The following DOCK3 variants were observed in gnomAD, a reference collection of about 807,000 sequenced individuals.
DOCK3 encodes the protein dedicator of cytokinesis 3, also known as dedicator of cytokinesis protein 3.
Under a neutral mutation model 265.6 loss-of-function variants are expected in DOCK3, and 60 were observed. The observed-to-expected ratio is 0.23, with a 90% CI of 0.18 to 0.28. The LOEUF (loss-of-function observed/expected upper bound fraction) is 0.28. Among genes scored for constraint, DOCK3 ranks in the 10% least tolerant of loss-of-function variants. The probability of loss-of-function intolerance (pLI) is 1.00; values close to 1 mark genes in which losing one functional copy is unlikely to be tolerated. For synonymous variants in DOCK3, 881 were observed against 938.0 expected (o/e 0.94, Z 1.11); for missense variants, 1,981 against 2,594.3 (o/e 0.76, Z 5.14).
At position 50,829,028 on chromosome 3, in the gene DOCK3, A is replaced by G. The variant is rs369704350; in HGVS notation, c.122-12647A>G. ...CGCCTGGACCCTTTTACCCTTTTCA[A>G]TTATCTCTTTACCATGCTTTTACAT... On this transcript the variant is annotated intron_variant, in intron 2 of 52. Coordinates refer to ENST00000266037, the MANE Select transcript of DOCK3 (RefSeq NM_004947.5). Among the ~76,000 whole-genome samples the G allele has an allele frequency of 7.2e-5, 11 of 152,112 alleles. No homozygotes were observed. The East Asian group carries it at 1.2e-3, about 16-fold the overall frequency.
intron 1 of DOCK3, among the ~76,000 whole-genome samples, chr3:50,717,709 A>T (rs375159298): frequency 1.3e-5 from 2 of 151,882 alleles, no homozygotes; most frequent in East Asian, 3.9e-4. Flanking sequence ...TGCAACCTCC[A>T]CCTCCCTGGT....
intron 2 of DOCK3, 111 bp downstream of exon 2, chr3:50,778,869 C>A: frequency 1.5e-6 from 1 of 688,612 alleles, no homozygotes. Flanking sequence ...CATAATTAGT[C>A]ACATGATGAA....
At chr3:51,056,317 C>T (rs1451929821) in intron 5 of DOCK3, among the ~76,000 whole-genome samples, 5 of 152,172 alleles carry the variant, frequency 3.3e-5, no homozygotes, top group East Asian at 1.9e-4. Flanking sequence ...GGCACAATCT[C>T]GGCTCACTGC....
chr3:51,020,906 G>C (rs2079558782), intron 5 of DOCK3, among the ~76,000 whole-genome samples: 1 of 151,838 alleles, frequency 6.6e-6, no homozygotes, highest in South Asian at 2.1e-4. Context: ...GTAGCATAAT[G>C]CCTGCAGCTT....
intron 5 of DOCK3, among the ~76,000 whole-genome samples, chr3:50,975,352 G>C (rs572208106): frequency 4.7e-5 from 7 of 150,492 alleles, no homozygotes; most frequent in East Asian, 1.9e-4. Flanking sequence ...TAGCATGAAG[G>C]GTTGTTGAAT....
intron 5 of DOCK3, among the ~76,000 whole-genome samples, chr3:50,959,762 A>G (rs1332791988): frequency 1.3e-5 from 2 of 151,554 alleles, no homozygotes; most frequent in Non-Finnish European, 2.9e-5. Context: ...TTGTATTTTT[A>G]GTAGAGATGG....
chr3:50,780,697 AT>A (rs748055437), intron 2 of DOCK3, among the ~76,000 whole-genome samples: 12 of 152,172 alleles, frequency 7.9e-5, no homozygotes, highest in Non-Finnish European at 1.3e-4. Flanking sequence ...AGAAAGTTCA[AT>A]ATTTTCCTTC....
chr3:50,769,225 A>C (rs940760930), intron 1 of DOCK3, among the ~76,000 whole-genome samples: 2 of 152,012 alleles, frequency 1.3e-5, no homozygotes, highest in African/African-American at 4.8e-5. Context: ...AGTTTAATGT[A>C]ATCCTTTTTT....
At chr3:51,270,395 GA>G (rs1429921539) in intron 23 of DOCK3, among the ~76,000 whole-genome samples, 1 of 152,182 alleles carries the variant, frequency 6.6e-6, no homozygotes, top group Non-Finnish European at 1.5e-5. Flanking sequence ...CTGCTTGAAG[GA>G]ACTCAGCTCT....
chr3:51,325,714 A>G (rs557341392), intron 32 of DOCK3, among the ~76,000 whole-genome samples: 1 of 152,360 alleles, frequency 6.6e-6, no homozygotes, highest in East Asian at 1.9e-4. Context: ...CATATACACC[A>G]TGGAATACTA....
chr3:50,681,322 G>A (rs2034392477), intron 1 of DOCK3, among the ~76,000 whole-genome samples: 1 of 152,034 alleles, frequency 6.6e-6, no homozygotes, highest in South Asian at 2.1e-4. Flanking sequence ...TTTTACATTG[G>A]TGCTAAATTT....
intron 3 of DOCK3, among the ~76,000 whole-genome samples, chr3:50,887,157 G>C (rs60746111): frequency 6.6e-6 from 1 of 151,704 alleles, no homozygotes; most frequent in Non-Finnish European, 1.5e-5. Flanking sequence ...TCAAATAGAC[G>C]CAATAAAAAA....
At chr3:50,730,159 T>G (rs1559561619) in intron 1 of DOCK3, among the ~76,000 whole-genome samples, 1 of 152,168 alleles carries the variant, frequency 6.6e-6, no homozygotes, top group African/African-American at 2.4e-5. Context: ...ATTTATTTTT[T>G]GAGACAGAGT....
At chr3:51,331,553 T>C (rs367858618) in intron 33 of DOCK3, among the ~76,000 whole-genome samples, 1 of 148,956 alleles carries the variant, frequency 6.7e-6, no homozygotes, top group Non-Finnish European at 1.5e-5. Flanking sequence ...TTTGTAGGTA[T>C]GCTAAAAAAA....
chr3:50,752,325 A>C (rs1007641218), intron 1 of DOCK3, among the ~76,000 whole-genome samples: 2 of 152,128 alleles, frequency 1.3e-5, no homozygotes, highest in South Asian at 4.1e-4. Context: ...CCTGGCCAAC[A>C]TGGTGAAACC....
At chr3:51,093,137 G>C (rs888548225) in intron 9 of DOCK3, among the ~76,000 whole-genome samples, 1 of 152,108 alleles carries the variant, frequency 6.6e-6, no homozygotes. Context: ...GGTTCTTTTT[G>C]CTTAGGATTG....
chr3:50,730,443 G>A (rs1358474093), intron 1 of DOCK3, among the ~76,000 whole-genome samples: 1 of 152,148 alleles, frequency 6.6e-6, no homozygotes, highest in Admixed American at 6.5e-5. Context: ...GTGCCCGGCT[G>A]CACAAACACT....
chr3:51,375,716 C>A, intron 50 of DOCK3, 32 bp from the exon 51 acceptor site: 1 of 1,613,218 alleles, frequency 6.2e-7, no homozygotes, highest in Non-Finnish European at 8.5e-7. Context: ...TGGTTGTTTT[C>A]ACTCTCTGTA....
At chr3:50,895,309 T>TAAAC (rs2048843923) in intron 4 of DOCK3, among the ~76,000 whole-genome samples, 1 of 151,514 alleles carries the variant, frequency 6.6e-6, no homozygotes, top group African/African-American at 2.4e-5. Flanking sequence ...GTTATACAGG[T>TAAAC]AAACGTGTGC....
Sources: gnomAD v4.1 joint callset for allele counts (sites outside exome capture counted in the v4.1 genomes callset) on GRCh38, gnomAD v4.1.1 for gene constraint, MANE v1.5 for transcripts, NCBI Gene and HGNC (gene_info 2026-07-23, HGNC 2026-07-21) for gene names.